The following LRMDA variants were observed in gnomAD, a reference collection of about 807,000 sequenced individuals.
LRMDA encodes the protein leucine rich melanocyte differentiation associated.
A neutral mutation model predicts 29.8 loss-of-function variants in LRMDA; 18 were observed. The observed-to-expected ratio is 0.60, with a 90% CI of 0.42 to 0.90. LRMDA has a LOEUF of 0.90. Ranked by LOEUF, LRMDA falls within the 40% of genes least tolerant of loss-of-function variation. The pLI, the probability that LRMDA is intolerant of heterozygous loss-of-function variation, is 0.00. For missense variants in LRMDA, 273 were observed against 273.9 expected (o/e 1.00, Z 0.02); for synonymous variants, 125 against 109.4 (o/e 1.14, Z -0.89).
At chr10:75,649,908 T>C (rs930918631) in intron 2 of LRMDA, among the ~76,000 whole-genome samples, 1 of 152,206 alleles carries the variant, frequency 6.6e-6, no homozygotes, top group African/African-American at 2.4e-5. Context: ...TTATTGGCCA[T>C]ATGCATATGT....
intron 2 of LRMDA, among the ~76,000 whole-genome samples, chr10:75,466,892 A>G (rs989712144): frequency 2.0e-5 from 3 of 152,162 alleles, no homozygotes; most frequent in Non-Finnish European, 4.4e-5. Flanking sequence ...GAAAGAAAAA[A>G]TTAAAAAAAA....
intron 2 of LRMDA, among the ~76,000 whole-genome samples, chr10:75,856,345 C>T (rs1277773014): frequency 6.6e-6 from 1 of 152,106 alleles, no homozygotes. Context: ...TGGGAGTTCA[C>T]TCATGATTTG....
intron 5 of LRMDA, among the ~76,000 whole-genome samples, chr10:76,228,874 T>A (rs1852009194): frequency 6.6e-6 from 1 of 152,252 alleles, no homozygotes; most frequent in Non-Finnish European, 1.5e-5. Flanking sequence ...ACTTGAGTTT[T>A]GGGCAAGGCC....
At chr10:75,716,188 A>C (rs1842497422) in intron 2 of LRMDA, among the ~76,000 whole-genome samples, 1 of 152,010 alleles carries the variant, frequency 6.6e-6, no homozygotes, top group African/African-American at 2.4e-5. Flanking sequence ...AATCTAGTCT[A>C]CCTCCATTCC....
At chr10:76,337,212 A>G (rs1160769569) in intron 6 of LRMDA, among the ~76,000 whole-genome samples, 4 of 152,212 alleles carry the variant, frequency 2.6e-5, no homozygotes, top group Admixed American at 2.6e-4. Context: ...GCCCTGTTCA[A>G]AACATTAGAG....
At chr10:75,801,208 G>A (rs1186068403) in intron 2 of LRMDA, among the ~76,000 whole-genome samples, 1 of 152,188 alleles carries the variant, frequency 6.6e-6, no homozygotes, top group African/African-American at 2.4e-5. Context: ...AGCATCTACT[G>A]TTCAGGGATA....
Position 76,464,265 on chromosome 10 carries a change from G to A in LRMDA, c.602-92944G>A, listed in dbSNP as rs528731540. Reference sequence around the variant, plus strand: ...GGAATAGGAATTGACTCTGGGCTAAGCTGGCAGAGAAGGGTATTCCCGGAA... The same window carrying A: ...GGAATAGGAATTGACTCTGGGCTAAACTGGCAGAGAAGGGTATTCCCGGAA... On this transcript the variant is annotated intron_variant, in intron 6 of 6. Transcript: ENST00000611255. 2.6e-5 allele frequency among the ~76,000 whole-genome samples: 4 copies of A among 152,262 alleles called. No homozygotes were observed. In the South Asian group the frequency reaches 6.2e-4, roughly 24 times the overall value.
chr10:75,690,440 G>T (rs1319542465), intron 2 of LRMDA, among the ~76,000 whole-genome samples: 2 of 152,048 alleles, frequency 1.3e-5, no homozygotes, highest in Non-Finnish European at 2.9e-5. Context: ...AGGCAGCTGG[G>T]ACTATAGGTG....
At chr10:75,446,248 C>T (rs1413958129) in intron 2 of LRMDA, among the ~76,000 whole-genome samples, 1 of 152,234 alleles carries the variant, frequency 6.6e-6, no homozygotes, top group Non-Finnish European at 1.5e-5. Flanking sequence ...GCTTCTGTCA[C>T]TCACCTGTTG....
intron 5 of LRMDA, among the ~76,000 whole-genome samples, chr10:76,263,984 T>C (rs1257760028): frequency 6.6e-6 from 1 of 152,204 alleles, no homozygotes; most frequent in Non-Finnish European, 1.5e-5. Flanking sequence ...AGCTGAACTT[T>C]GGAACTACTG....
chr10:76,022,944 A>G (rs1786892895), intron 2 of LRMDA, among the ~76,000 whole-genome samples: 3 of 152,264 alleles, frequency 2.0e-5, no homozygotes, highest in Admixed American at 2.0e-4. Flanking sequence ...TAATAAAATC[A>G]AACTTTCTTC....
chr10:75,790,879 G>T (rs1347789514), intron 2 of LRMDA, among the ~76,000 whole-genome samples: 1 of 152,208 alleles, frequency 6.6e-6, no homozygotes, highest in Non-Finnish European at 1.5e-5. Flanking sequence ...TCCTCTGTGG[G>T]GAAGGTGGCT....
At chr10:75,582,357 C>G (rs1840604922) in intron 2 of LRMDA, among the ~76,000 whole-genome samples, 1 of 152,226 alleles carries the variant, frequency 6.6e-6, no homozygotes, top group South Asian at 2.1e-4. Flanking sequence ...CAAGCCCCAG[C>G]TCTTGCATTC....
intron 2 of LRMDA, among the ~76,000 whole-genome samples, chr10:75,562,691 T>C (rs1214264180): frequency 3.3e-5 from 5 of 152,168 alleles, no homozygotes; most frequent in South Asian, 2.1e-4. Context: ...CCATGTTTAG[T>C]GCTTCCTTCA....
intron 5 of LRMDA, among the ~76,000 whole-genome samples, chr10:76,114,855 G>C (rs1849642348): frequency 6.6e-6 from 1 of 152,228 alleles, no homozygotes; most frequent in African/African-American, 2.4e-5. Context: ...AGCCCTTTCT[G>C]GAGGCCTTTG....
At chr10:75,624,082 T>G (rs1229234565) in intron 2 of LRMDA, among the ~76,000 whole-genome samples, 1 of 152,224 alleles carries the variant, frequency 6.6e-6, no homozygotes, top group Non-Finnish European at 1.5e-5. Context: ...ATGTGAATAA[T>G]TCTGAAAAGT....
At chr10:75,916,663 G>A (rs904934903) in intron 2 of LRMDA, among the ~76,000 whole-genome samples, 21 of 152,110 alleles carry the variant, frequency 1.4e-4, no homozygotes, top group African/African-American at 5.1e-4. Context: ...GTAACCTGTG[G>A]CTTATAAATA....
At chr10:76,435,836 T>C (rs1842239258) in intron 6 of LRMDA, among the ~76,000 whole-genome samples, 1 of 152,158 alleles carries the variant, frequency 6.6e-6, no homozygotes, top group African/African-American at 2.4e-5. Context: ...AGATTCGGTC[T>C]CTCATAGGTC....
intron 6 of LRMDA, among the ~76,000 whole-genome samples, chr10:76,397,976 T>C (rs1189537457): frequency 6.6e-6 from 1 of 152,224 alleles, no homozygotes; most frequent in East Asian, 1.9e-4. Context: ...ACAATCAGGC[T>C]TTCTCTAAAT....
Sources: gnomAD v4.1 joint callset for allele counts (sites outside exome capture counted in the v4.1 genomes callset) on GRCh38, gnomAD v4.1.1 for gene constraint, MANE v1.5 for transcripts, NCBI Gene and HGNC (gene_info 2026-07-23, HGNC 2026-07-21) for gene names.